FBXL12: variants seen among roughly 807,000 people sequenced by gnomAD.
The protein encoded by FBXL12 is F-box and leucine rich repeat protein 12, also known as F-box/LRR-repeat protein 12.
In FBXL12, 22 loss-of-function variants were observed where a neutral mutation model predicts 24.9. That is an observed-to-expected ratio of 0.88 (90% CI 0.63 to 1.26). The LOEUF (loss-of-function observed/expected upper bound fraction) is 1.26. Ranked by LOEUF, FBXL12 falls within the 50% of genes most tolerant of loss-of-function variation. FBXL12 has a pLI of 0.00. For missense variants in FBXL12, 384 were observed against 434.1 expected (o/e 0.88, Z 1.03); for synonymous variants, 193 against 193.8 (o/e 1.00, Z 0.03).
chr19:9,818,850 A>G lies in FBXL12; in HGVS notation c.-37T>C. ...CACGCACTTCCGCTTCCGGTTAAAG[A>G]GACCCGAGGGGTCCTGGGGGCGCCG... On this transcript the variant is annotated 5_prime_UTR_variant, in exon 1 of 3. Transcript: ENST00000247977. The G allele has an allele frequency of 6.5e-7, 1 of 1,530,392 alleles. No individual in the cohort carries two copies. The highest frequency in any genetic ancestry group is 8.8e-7 in the Non-Finnish European group (1 of 1,130,112). 94.8% of individuals were successfully genotyped at this position (1,530,392 alleles called of 1,614,324 possible).
At chr19:9,818,336 T>A in intron 2 of FBXL12, 1 of 599,310 alleles carries the variant, frequency 1.7e-6, no homozygotes. Flanking sequence ...AGGCAGGTAC[T>A]GTCCTTTATC....
chr19:9,818,880 G>T lies in FBXL12; in HGVS notation c.-67C>A. ...CGAGGGGTCCTGGGGGCGCCGAGGC[G>T]GCTGACAGGGCGGCGGCCGCGACCT... is the stretch of plus-strand genomic sequence containing the variant. On this transcript the variant is annotated 5_prime_UTR_variant, in exon 1 of 3. Coordinates refer to ENST00000247977, the MANE Select transcript of FBXL12 (RefSeq NM_017703.3). 1 of 1,434,052 alleles carries T rather than the reference G, an allele frequency of 7.0e-7. No homozygotes were observed. Among genetic ancestry groups the T allele is most frequent in the South Asian group, 1.3e-5 (1 of 78,100 alleles). The allele number at this position is 1,434,052 out of a possible 1,614,324, so 88.8% of individuals were successfully genotyped here. A position where few individuals can be genotyped will look rare whatever the true frequency, so the allele number is the denominator to read the frequency against.
At chr19:9,818,665 T>C in intron 1 of FBXL12, 48 bp from the exon 2 acceptor site, 1 of 1,545,766 alleles carries the variant, frequency 6.5e-7, no homozygotes, top group Non-Finnish European at 8.8e-7. Context: ...CCGGGCCACA[T>C]CGCATCTCCA....
At chr19:9,816,010 G>C (rs2045875325) in intron 2 of FBXL12, among the ~76,000 whole-genome samples, 1 of 152,212 alleles carries the variant, frequency 6.6e-6, no homozygotes, top group Non-Finnish European at 1.5e-5. Flanking sequence ...AAGCTGCCAA[G>C]ACTTGGGGCT....
intron 2 of FBXL12, among the ~76,000 whole-genome samples, chr19:9,817,153 CAA>C (rs1306124844): frequency 2.6e-5 from 4 of 152,054 alleles, no homozygotes; most frequent in African/African-American, 9.7e-5. Flanking sequence ...TATCATGAAC[CAA>C]GAGAGAAAGA....
chr19:9,815,736 C>T (rs1223106738), intron 2 of FBXL12, among the ~76,000 whole-genome samples: 4 of 151,518 alleles, frequency 2.6e-5, no homozygotes, highest in Non-Finnish European at 5.9e-5. Flanking sequence ...GTCACTGCAA[C>T]CTTTGCCTCC....
Position 9,811,328 on chromosome 19 carries a change from C to T in FBXL12, c.549G>A (p.Leu183=). The T allele has an allele frequency of 6.2e-7, 1 of 1,609,412 alleles. No homozygotes were observed. The highest frequency in any genetic ancestry group is 1.1e-5 in the South Asian group (1 of 91,084). Residue 183 remains leucine (L), a synonymous_variant, in exon 3 of 3, where the codon CTG becomes CTA. Transcript: ENST00000247977. This position sits in a 1 kb window ranked among gnomAD's most constrained non-coding sequence, Gnocchi z 6.0. ...TRFRALRSLV[L]GGTYRVTETG... Reference sequence around the variant, plus strand: ...TCTCGGTCACACGGTAGGTACCACCCAGCACCAGCGAGCGCAAGGCCCGGA... The same window carrying T: ...TCTCGGTCACACGGTAGGTACCACCTAGCACCAGCGAGCGCAAGGCCCGGA...
intron 2 of FBXL12, chr19:9,813,169 T>C: frequency 1.0e-6 from 1 of 959,834 alleles, no homozygotes; most frequent in Non-Finnish European, 1.4e-6. Flanking sequence ...ATATAATTGA[T>C]AGCACTGGGC....
In FBXL12 at chr19:9,811,179, A is replaced by T; in HGVS notation, c.698T>A (p.Ile233Asn). The T allele has an allele frequency of 1.2e-6, 2 of 1,611,358 alleles. No homozygotes were observed. The highest frequency in any genetic ancestry group is 1.7e-6 in the Non-Finnish European group (2 of 1,177,866). ...AGAGAGGCCCCTCACGGTCAGCCGG[A>T]TCTTGCGCACATCTCGGAGGTGGCG... is the stretch of plus-strand genomic sequence containing the variant. ...ISRHLRDVRK[I>N]RLTVRGLSAP... Residue 233 changes from isoleucine to asparagine, a missense_variant, in exon 3 of 3, where the codon ATC (isoleucine) becomes AAC (asparagine). By Grantham distance (149) the Ile-to-Asn change is moderately radical (BLOSUM62 -3). Transcript: ENST00000247977. This position sits in a 1 kb window ranked among gnomAD's most constrained non-coding sequence, Gnocchi z 6.0.
chr19:9,811,019 G>C lies in FBXL12; in HGVS notation c.858C>G (p.Val286=). Reference sequence around the variant, plus strand: ...CCCACCCCAGCCCCTGCAGCTCAAGGACTCTGAGCTTGGGCATAGTGAGGC... The same window carrying C: ...CCCACCCCAGCCCCTGCAGCTCAAGCACTCTGAGCTTGGGCATAGTGAGGC... ...SSCLTMPKLR[V]LELQGLGWEG... Residue 286 remains valine (V), a synonymous_variant, in exon 3 of 3, where the codon GTC becomes GTG. Coordinates refer to ENST00000247977, the MANE Select transcript of FBXL12 (RefSeq NM_017703.3). The surrounding 1 kb of genome is among the most constrained non-coding windows in gnomAD (Gnocchi z 6.0). 1 of 1,613,638 alleles carries C rather than the reference G, an allele frequency of 6.2e-7. No individual in the cohort carries two copies.
In FBXL12 at chr19:9,811,547, G is replaced by A. The variant is rs17849496; in HGVS notation, c.330C>T (p.His110=). ...TGGGCACCATGCTCAGGTCGGCCAC[G>A]TGCAGGCAGAGGCGCTTCAGGTTGG... ...KCPNLKRLCL[H]VADLSMVPIT... The change falls in exon 3 of 3, where the codon CAC becomes CAT. Residue 110 remains histidine, a synonymous_variant. Coordinates refer to ENST00000247977, the MANE Select transcript of FBXL12 (RefSeq NM_017703.3). The surrounding 1 kb of genome is among the most constrained non-coding windows in gnomAD (Gnocchi z 6.0). 0.075 allele frequency: 119,887 copies of A among 1,608,594 alleles called. 6,371 individuals are homozygous for A. The highest frequency in any genetic ancestry group is 0.21 in the African/African-American group (15,720 of 74,880).
rs2145365001 is a variant in FBXL12 at position 9,811,582 on chromosome 19, G to A, written c.295C>T (p.Gln99Ter). ...AGGCGCTTCAGGTTGGGGCACTTCT[G>A]GCCCAGGGCTCTCAACAGAGCAGGG... ...LSPALLRALG[Q>*]KCPNLKRLCL... Residue 99 changes from glutamine to a stop codon, truncating the protein, a stop_gained, in exon 3 of 3, where the codon CAG becomes TAG. Coordinates refer to ENST00000247977, the MANE Select transcript of FBXL12 (RefSeq NM_017703.3). LOFTEE classifies it high-confidence loss of function. The surrounding 1 kb of genome is among the most constrained non-coding windows in gnomAD (Gnocchi z 6.0). The A allele has an allele frequency of 6.3e-7, 1 of 1,585,466 alleles. No individual in the cohort carries two copies. Among genetic ancestry groups the A allele is most frequent in the Non-Finnish European group, 8.6e-7 (1 of 1,163,880 alleles).
intron 2 of FBXL12, chr19:9,814,201 C>T (rs887150519): frequency 3.7e-5 from 6 of 163,610 alleles, no homozygotes; most frequent in South Asian, 1.7e-4. Context: ...TCTTACATGG[C>T]GGCAGCAAGA....
At chr19:9,818,088 C>T (rs922552496) in intron 2 of FBXL12, 6 of 379,450 alleles carry the variant, frequency 1.6e-5, no homozygotes, top group Admixed American at 1.3e-4. Context: ...GGCGAGCGCC[C>T]GTGGTTCCAG....
At chr19:9,818,428 G>T in intron 2 of FBXL12, 117 bp downstream of exon 2, 1 of 1,114,978 alleles carries the variant, frequency 9.0e-7, no homozygotes, top group Non-Finnish European at 1.3e-6. Flanking sequence ...GCCCCGGATC[G>T]CCTGGCTCTA....
In FBXL12 at chr19:9,811,218, A is replaced by G; in HGVS notation, c.659T>C (p.Leu220Pro). The change falls in exon 3 of 3, where the codon CTG (leucine) becomes CCG (proline). Residue 220 changes from leucine (L) to proline (P), a missense_variant. By Grantham distance (98) the Leu-to-Pro change is moderately conservative. Transcript: ENST00000247977. The surrounding 1 kb of genome is among the most constrained non-coding windows in gnomAD (Gnocchi z 6.0). ...LGCTLSADSTLLAISRHLRDV... is the reference protein window; with the variant it reads ...LGCTLSADSTPLAISRHLRDV... ...TCGGAGGTGGCGGCTGATGGCCAGC[A>G]GGGTGCTGTCGGCAGACAGGGTGCA... The G allele has an allele frequency of 6.2e-7, 1 of 1,613,456 alleles. No homozygotes were observed. The highest frequency in any genetic ancestry group is 8.5e-7 in the Non-Finnish European group (1 of 1,179,810).
chr19:9,813,020 CCAAGATCGTG>C (rs2045793692), intron 2 of FBXL12, among the ~76,000 whole-genome samples: 1 of 152,016 alleles, frequency 6.6e-6, no homozygotes, highest in South Asian at 2.1e-4. Flanking sequence ...CTGCGATGAG[CCAAGATCGTG>C]CCGTTGCACC....
chr19:9,813,033 G>A (rs1181057541), intron 2 of FBXL12, among the ~76,000 whole-genome samples: 11 of 151,928 alleles, frequency 7.2e-5, no homozygotes, highest in Non-Finnish European at 1.0e-4. Flanking sequence ...AGATCGTGCC[G>A]TTGCACCAGC....
intron 2 of FBXL12, chr19:9,813,321 C>A (rs914010540): frequency 1.8e-6 from 2 of 1,088,926 alleles, no homozygotes; most frequent in African/African-American, 3.2e-5. Flanking sequence ...TTTATGTGTG[C>A]TTACAAAGGT....
Sources: allele counts gnomAD v4.1 joint callset (sites outside exome capture counted in the v4.1 genomes callset), GRCh38; gene constraint gnomAD v4.1.1; non-coding constraint Gnocchi (gnomAD v3.1); transcripts MANE v1.5; gene names NCBI Gene and HGNC (gene_info 2026-07-23, HGNC 2026-07-21).